Variants in DMXL2 observed in about 807,000 individuals in gnomAD.
DMXL2 encodes Dmx like 2.
In DMXL2, 103 loss-of-function variants were observed where a neutral mutation model predicts 331.1. That is an observed-to-expected ratio of 0.31 (90% CI 0.27 to 0.37). The LOEUF (loss-of-function observed/expected upper bound fraction) is 0.37, where lower values mean the gene tolerates loss of function less well. DMXL2 is among the 10% of genes least tolerant of loss of function. DMXL2 has a pLI of 1.00. For missense variants in DMXL2, 3,171 were observed against 3,642.9 expected (o/e 0.87, Z 3.33); for synonymous variants, 1,281 against 1,252.1 (o/e 1.02, Z -0.49).
chr15:51,454,410 A>G (rs996139914), intron 40 of DMXL2, among the ~76,000 whole-genome samples: 1 of 151,946 alleles, frequency 6.6e-6, no homozygotes, highest in Non-Finnish European at 1.5e-5. Flanking sequence ...TTGTAATCCA[A>G]TTTGGATTAA....
intron 13 of DMXL2, among the ~76,000 whole-genome samples, chr15:51,525,105 C>T (rs1370080577): frequency 2.0e-5 from 3 of 151,826 alleles, no homozygotes; most frequent in Non-Finnish European, 4.4e-5. Flanking sequence ...GCTCCCTTTC[C>T]AGGCCCTATT....
intron 41 of DMXL2, among the ~76,000 whole-genome samples, chr15:51,453,025 G>C (rs1433707721): frequency 6.6e-6 from 1 of 152,152 alleles, no homozygotes; most frequent in East Asian, 1.9e-4. Flanking sequence ...CTTGTAAGTG[G>C]GAGCTAAGCT....
At chr15:51,466,338 T>G (rs1443265294) in intron 29 of DMXL2, 27 bp from the exon 30 acceptor site, 5 of 1,085,728 alleles carry the variant, frequency 4.6e-6, no homozygotes, top group Non-Finnish European at 3.7e-6. Context: ...AATTATTTTT[T>G]TAAAGATTAT....
Position 51,494,964 on chromosome 15 carries a change from AC to A in DMXL2, c.4783+59del, listed in dbSNP as rs1028443082. ...TAATGTTTACACACAAACATGATAC[AC>A]CCCATCGCTCCAATATTAAGTAAAA... On this transcript the variant is annotated intron_variant, in intron 19 of 43. Transcript: ENST00000560891. The A allele has an allele frequency of 5.0e-6, 6 of 1,202,242 alleles. No homozygotes were observed. In the African/African-American group the frequency reaches 7.5e-5, roughly 15 times the overall value. The allele number at this position is 1,202,242 out of a possible 1,614,324, so 74.5% of individuals were successfully genotyped here.
intron 40 of DMXL2, 25 bp from the exon 41 acceptor site, chr15:51,453,666 T>C: frequency 1.3e-6 from 2 of 1,594,214 alleles, no homozygotes; most frequent in South Asian, 1.1e-5. Context: ...GTGCAACTGA[T>C]GTTATTTTAC....
At chr15:51,563,223 C>G in intron 6 of DMXL2, among the ~76,000 whole-genome samples, 158 bp downstream of exon 6, 1 of 152,106 alleles carries the variant, frequency 6.6e-6, no homozygotes, top group East Asian at 1.9e-4. Context: ...GAGCAAAATA[C>G]CAGGTCTTTT....
In DMXL2 at chr15:51,459,697, T is replaced by C. The variant is rs962703215; in HGVS notation, c.7927-37A>G. ...CACACCGTCACAAACACAAAACACA[T>C]GCATGGAATGAAATTATAAAGACAG... On this transcript the variant is annotated intron_variant, in intron 33 of 43. Coordinates refer to ENST00000560891, the MANE Select transcript of DMXL2 (RefSeq NM_001378457.1). 1.2e-5 allele frequency: 15 copies of C among 1,288,514 alleles called. No individual in the cohort carries two copies. In the South Asian group the frequency reaches 1.9e-4, roughly 16 times the overall value. 79.8% of individuals were successfully genotyped at this position (1,288,514 alleles called of 1,614,324 possible).
At chr15:51,479,865 C>T in intron 25 of DMXL2, 83 bp downstream of exon 25, 1 of 1,059,484 alleles carries the variant, frequency 9.4e-7, no homozygotes, top group African/African-American at 1.6e-5. Flanking sequence ...AAATATTTCC[C>T]CTAAGTTCGA....
At chr15:51,523,438 T>A (rs775734649) in intron 13 of DMXL2, among the ~76,000 whole-genome samples, 28 of 152,208 alleles carry the variant, frequency 1.8e-4, no homozygotes, top group Non-Finnish European at 3.2e-4. Flanking sequence ...ATATAACTGA[T>A]GAGAAAAGAA....
At chr15:51,620,324 C>T (rs1567195250) in intron 1 of DMXL2, among the ~76,000 whole-genome samples, 1 of 152,040 alleles carries the variant, frequency 6.6e-6, no homozygotes, top group Non-Finnish European at 1.5e-5. Flanking sequence ...TGTCAAAAGA[C>T]CAAAATAACA....
rs1302089304 is a variant in DMXL2 at position 51,457,341 on chromosome 15, G to A, written c.8324C>T (p.Thr2775Ile). The change falls in exon 37 of 44, where the codon ACT (threonine) becomes ATT (isoleucine). Residue 2775 changes from threonine (T) to isoleucine (I), a missense_variant. Physicochemically the swap from Thr to Ile is moderately conservative, Grantham distance 89. Transcript: ENST00000560891. Reference protein sequence around the residue: ...LPWLGTGQTSTGASVLMKRNL... With the variant: ...LPWLGTGQTSIGASVLMKRNL... The stretch of plus-strand genomic sequence containing the variant: ...TAAATAACATACCACACTAGCTCCA[G>A]TGCTAGTCTGTCCAGTGCCCAGCCA... The A allele has an allele frequency of 1.2e-6, 2 of 1,614,104 alleles. No individual in the cohort carries two copies. The highest frequency in any genetic ancestry group is 1.7e-5 in the Admixed American group (1 of 60,002).
intron 32 of DMXL2, 140 bp from the exon 33 acceptor site, chr15:51,463,636 G>A: frequency 1.8e-6 from 1 of 546,854 alleles, no homozygotes; most frequent in South Asian, 3.1e-5. Flanking sequence ...TTGCAAAGAA[G>A]ACACAGCATT....
chr15:51,508,712 ACTC>A (rs1261659539), intron 15 of DMXL2, among the ~76,000 whole-genome samples: 1 of 152,180 alleles, frequency 6.6e-6, no homozygotes, highest in African/African-American at 2.4e-5. Context: ...CAGCGCGCAG[ACTC>A]CTCATTCTGA....
intron 26 of DMXL2, 128 bp from the exon 27 acceptor site, chr15:51,476,847 TAAA>T (rs1337152607): frequency 1.6e-5 from 10 of 637,776 alleles, no homozygotes; most frequent in Non-Finnish European, 2.2e-5. Flanking sequence ...ACTGTTCTAA[TAAA>T]AATTTATTTT....
chr15:51,476,893 T>C (rs953362342), intron 26 of DMXL2, among the ~76,000 whole-genome samples, 174 bp from the exon 27 acceptor site: 1 of 152,166 alleles, frequency 6.6e-6, no homozygotes, highest in African/African-American at 2.4e-5. Context: ...CAAATGCTTA[T>C]TGTTTCTTTT....
At chr15:51,607,914 C>T (rs2053699643) in intron 1 of DMXL2, among the ~76,000 whole-genome samples, 1 of 152,066 alleles carries the variant, frequency 6.6e-6, no homozygotes, top group Non-Finnish European at 1.5e-5. Flanking sequence ...ACAAAATAGG[C>T]TGGGCTCACA....
chr15:51,535,085 T>C (rs1306345297), intron 13 of DMXL2, among the ~76,000 whole-genome samples: 12 of 152,302 alleles, frequency 7.9e-5, no homozygotes, highest in Middle Eastern at 3.4e-3. Flanking sequence ...TAGTAGATGC[T>C]CAAAAATAGT....
chr15:51,475,290 G>A lies in DMXL2; in HGVS notation c.6965-698C>T, dbSNP rs924922815. 5.3e-5 allele frequency among the ~76,000 whole-genome samples: 8 copies of A among 152,224 alleles called. 1 individual carries two copies. Among genetic ancestry groups the A allele is most frequent in the East Asian group, 1.9e-4 (1 of 5,186 alleles). On this transcript the variant is annotated intron_variant, in intron 27 of 43. Coordinates refer to ENST00000560891, the MANE Select transcript of DMXL2 (RefSeq NM_001378457.1). ...GTGGATCACCTGAGGTCAGGAGTTC[G>A]AGACCAGCCTGACCAATATGGTGAA...
chr15:51,618,265 T>C (rs1397297588), intron 1 of DMXL2, among the ~76,000 whole-genome samples: 1 of 152,106 alleles, frequency 6.6e-6, no homozygotes, highest in East Asian at 1.9e-4. Context: ...ACCAGGTTCC[T>C]ACACTTCTTC....
Sources: allele counts gnomAD v4.1 joint callset (sites outside exome capture counted in the v4.1 genomes callset), GRCh38; gene constraint gnomAD v4.1.1; transcripts MANE v1.5; gene names NCBI Gene and HGNC (gene_info 2026-07-23, HGNC 2026-07-21).